ZNF496: variants seen among roughly 807,000 people sequenced by gnomAD.
The protein encoded by ZNF496 is NSD1 (nuclear receptor binding SET-domain containing 1)-interacting zinc finger protein 1.
ZNF496 carries 11 observed loss-of-function variants against 58.9 expected under a neutral mutation model. The observed-to-expected ratio is 0.19, with a 90% CI of 0.12 to 0.31. The LOEUF is 0.31. ZNF496 is among the 10% of genes least tolerant of loss of function. The pLI is 1.00. For synonymous variants in ZNF496, 338 were observed against 318.2 expected, an observed-to-expected ratio of 1.06 and a Z score of -0.66; for missense variants, 660 against 783.0, an observed-to-expected ratio of 0.84 and a Z score of 1.88.
chr1:247,329,901 G>A lies in ZNF496; in HGVS notation c.-38+65C>T. The A allele has an allele frequency of 7.1e-6, 2 of 282,448 alleles. No individual in the cohort carries two copies. The highest frequency in any genetic ancestry group is 1.3e-5 in the Non-Finnish European group (2 of 153,046). The allele number at this position is 282,448 out of a possible 1,614,324, so 17.5% of individuals were successfully genotyped here. On this transcript the variant is annotated intron_variant, in intron 3 of 9. Transcript: ENST00000682384. This position sits in a 1 kb window ranked among gnomAD's most constrained non-coding sequence, Gnocchi z 5.5. Reference sequence around the variant, plus strand: ...AGTGGTGGCATTTCAACGTGACACTGCTGTTTTGAGCATCCCAGGAAACCA... The same window carrying A: ...AGTGGTGGCATTTCAACGTGACACTACTGTTTTGAGCATCCCAGGAAACCA...
In ZNF496 at chr1:247,329,662, G is replaced by C; in HGVS notation, c.-37-47C>G. Reference sequence around the variant, plus strand: ...TGGCTTCAGTGTTCTGGTCTCCTGTGGTCATTTCTGGGGGACAGTGACAAG... The same window carrying C: ...TGGCTTCAGTGTTCTGGTCTCCTGTCGTCATTTCTGGGGGACAGTGACAAG... On this transcript the variant is annotated intron_variant, in intron 3 of 9. Transcript: ENST00000682384. This position sits in a 1 kb window ranked among gnomAD's most constrained non-coding sequence, Gnocchi z 5.5. 1 of 1,482,698 alleles carries C rather than the reference G, an allele frequency of 6.7e-7. No individual in the cohort carries two copies. Among genetic ancestry groups the C allele is most frequent in the Non-Finnish European group, 9.0e-7 (1 of 1,112,308 alleles). 91.8% of individuals were successfully genotyped at this position (1,482,698 alleles called of 1,614,324 possible). A position where few individuals can be genotyped will look rare whatever the true frequency, so the allele number is the denominator to read the frequency against.
At position 247,329,656 on chromosome 1, in the gene ZNF496, TC is replaced by T. The variant is rs1460276767; in HGVS notation, c.-37-42del. On this transcript the variant is annotated intron_variant, in intron 3 of 9. Transcript: ENST00000682384. The surrounding 1 kb of genome is among the most constrained non-coding windows in gnomAD (Gnocchi z 5.5). Reference sequence around the variant, plus strand: ...AATCACTGGCTTCAGTGTTCTGGTCTCCTGTGGTCATTTCTGGGGGACAGTG... The same window carrying T: ...AATCACTGGCTTCAGTGTTCTGGTCTCTGTGGTCATTTCTGGGGGACAGTG... 24 of 1,495,056 alleles carry T rather than the reference TC, an allele frequency of 1.6e-5. No homozygotes were observed. Among genetic ancestry groups the T allele is most frequent in the Non-Finnish European group, 1.9e-5 (21 of 1,122,084 alleles). 92.6% of individuals were successfully genotyped at this position (1,495,056 alleles called of 1,614,324 possible). A position where few individuals can be genotyped will look rare whatever the true frequency, so the allele number is the denominator to read the frequency against.
chr1:247,300,737 C>G lies in ZNF496; in HGVS notation c.1546G>C (p.Gly516Arg), dbSNP rs141609381. ...CACTGGAAGCTCAGTTTGGCCTTGC[C>G]GTTTTCCAGCGGCTCTTTGGGACCC... ...DKGPKEPLEN[G>R]KAKLSFQCCE... The change falls in exon 10 of 10, where the codon GGC (glycine) becomes CGC (arginine). Residue 516 changes from glycine to arginine, a missense_variant. Physicochemically the swap from Gly to Arg is moderately radical, Grantham distance 125. Transcript: ENST00000682384. This position sits in a 1 kb window ranked among gnomAD's most constrained non-coding sequence, Gnocchi z 5.7. 2.5e-6 allele frequency: 4 copies of G among 1,611,630 alleles called. No homozygotes were observed. The Admixed American group carries it at 6.7e-5, about 27-fold the overall frequency.
intron 7 of ZNF496, 72 bp downstream of exon 7, chr1:247,310,252 A>C: frequency 1.3e-6 from 2 of 1,595,190 alleles, no homozygotes; most frequent in Non-Finnish European, 1.7e-6. Context: ...GACGAAGTTG[A>C]CTCTTACTCC....
intron 5 of ZNF496, among the ~76,000 whole-genome samples, chr1:247,325,483 C>A (rs1184548939): frequency 6.6e-6 from 1 of 152,162 alleles, no homozygotes; most frequent in African/African-American, 2.4e-5. Flanking sequence ...AGCTAATTAA[C>A]AAATCTATAC....
At position 247,321,180 on chromosome 1, in the gene ZNF496, G is replaced by A. The variant is rs973255554; in HGVS notation, c.651+1974C>T. ...GACAGAGCAAGACTCCATCTCGGGGGAAAAAAAAACACGGAAGGGAATTCC... is the reference window on the plus strand; with the variant it reads ...GACAGAGCAAGACTCCATCTCGGGGAAAAAAAAAACACGGAAGGGAATTCC... On this transcript the variant is annotated intron_variant, in intron 6 of 9. Transcript: ENST00000682384. Among the ~76,000 whole-genome samples, 6 of 150,284 alleles carry A rather than the reference G, an allele frequency of 4.0e-5. No homozygotes were observed. The South Asian group carries it at 1.3e-3, about 32-fold the overall frequency.
intron 6 of ZNF496, chr1:247,311,471 T>G (rs1659602614): frequency 1.0e-5 from 1 of 96,814 alleles, no homozygotes; most frequent in African/African-American, 3.6e-5. Flanking sequence ...ACATATATAG[T>G]GGTGAGACGG....
Position 247,329,744 on chromosome 1 carries a change from G to C in ZNF496, c.-37-129C>G. On this transcript the variant is annotated intron_variant, in intron 3 of 9. Coordinates refer to ENST00000682384, the MANE Select transcript of ZNF496 (RefSeq NM_032752.3). The surrounding 1 kb of genome is among the most constrained non-coding windows in gnomAD (Gnocchi z 5.5). ...TTGGAGAAGCCCTGGGAAAGGTAGG[G>C]AGTGTTGGTGTGGCTGGTCTTTACA... The C allele has an allele frequency of 1.2e-6, 1 of 829,372 alleles. No individual in the cohort carries two copies. The highest frequency in any genetic ancestry group is 1.8e-6 in the Non-Finnish European group (1 of 554,320). 51.4% of individuals were successfully genotyped at this position (829,372 alleles called of 1,614,324 possible). A position where few individuals can be genotyped will look rare whatever the true frequency, so the allele number is the denominator to read the frequency against.
At chr1:247,301,383 T>C (rs982276257) in intron 9 of ZNF496, 107 bp from the exon 10 acceptor site, 206 of 1,405,098 alleles carry the variant, frequency 1.5e-4, no homozygotes, top group Non-Finnish European at 1.8e-4. Flanking sequence ...CCCGTGTTTT[T>C]ACAATGGTCC....
chr1:247,305,418 A>G (rs1659377636), intron 9 of ZNF496, among the ~76,000 whole-genome samples: 3 of 152,250 alleles, frequency 2.0e-5, no homozygotes, highest in African/African-American at 7.2e-5. Context: ...AAATTGCCCA[A>G]GGTTTCAGGG....
chr1:247,331,044 G>A lies in ZNF496; in HGVS notation c.-154+388C>T, dbSNP rs541646141. 2.0e-5 allele frequency among the ~76,000 whole-genome samples: 3 copies of A among 152,240 alleles called. No homozygotes were observed. The East Asian group carries it at 5.8e-4, about 29-fold the overall frequency. On this transcript the variant is annotated intron_variant, in intron 2 of 9. Coordinates refer to ENST00000682384, the MANE Select transcript of ZNF496 (RefSeq NM_032752.3). ...CTGGAGCCCGGGGTGGGCCCCGCCC[G>A]CCCTGCTCGGCGGCCCCCTGCGGCG...
At chr1:247,326,474 G>A (rs1280568293) in intron 5 of ZNF496, among the ~76,000 whole-genome samples, 2 of 152,118 alleles carry the variant, frequency 1.3e-5, no homozygotes, top group Non-Finnish European at 2.9e-5. Flanking sequence ...ACTTTATCAA[G>A]AAGCAACTGC....
At chr1:247,331,035 G>GCCCCGC (rs1660307309) in intron 2 of ZNF496, among the ~76,000 whole-genome samples, 1 of 152,162 alleles carries the variant, frequency 6.6e-6, no homozygotes, top group South Asian at 2.1e-4. Context: ...CCCGGGGTGG[G>GCCCCGC]CCCCGCCCGC....
chr1:247,313,943 G>A (rs937372174), intron 6 of ZNF496: 1 of 152,218 alleles, frequency 6.6e-6, no homozygotes. Context: ...CCGAAGGTTA[G>A]CTGCTTCTCA....
intron 6 of ZNF496, chr1:247,312,554 G>A (rs1417272524): frequency 6.6e-6 from 1 of 152,080 alleles, no homozygotes; most frequent in Non-Finnish European, 1.5e-5. Flanking sequence ...CTGAGGTCAG[G>A]AGTTCCAGAC....
Position 247,308,932 on chromosome 1 carries a change from A to G in ZNF496, c.893-344T>C, listed in dbSNP as rs1480705746. 1 of 316,786 alleles carries G rather than the reference A, an allele frequency of 3.2e-6. No homozygotes were observed. The highest frequency in any genetic ancestry group is 8.4e-5 in the East Asian group (1 of 11,948). The allele number at this position is 316,786 out of a possible 1,614,324, so 19.6% of individuals were successfully genotyped here. On this transcript the variant is annotated intron_variant, in intron 8 of 9. Coordinates refer to ENST00000682384, the MANE Select transcript of ZNF496 (RefSeq NM_032752.3). The surrounding 1 kb of genome is among the most constrained non-coding windows in gnomAD (Gnocchi z 4.5). The stretch of plus-strand genomic sequence containing the variant: ...TATAGTCATCACCACAGGCTCCTGC[A>G]CACTCCGCACATCCTGCACAAACAG...
intron 5 of ZNF496, among the ~76,000 whole-genome samples, chr1:247,325,750 C>T (rs1227537105): frequency 6.6e-6 from 1 of 152,092 alleles, no homozygotes; most frequent in Admixed American, 6.6e-5. Context: ...CTGCTTCAGC[C>T]CCCTGAGTAG....
rs919421432 is a variant in ZNF496, at chr1:247,297,975, T to A, written c.*2544A>T. 24 of 152,084 alleles carry A rather than the reference T, an allele frequency of 1.6e-4. No homozygotes were observed. The highest frequency in any genetic ancestry group is 5.8e-4 in the African/African-American group (24 of 41,410). 9.4% of individuals were successfully genotyped at this position (152,084 alleles called of 1,614,324 possible). ...AGTAGAACAGTGTTCTTCTCTTGAG[T>A]CAGACGTCTGAAGCAGGAAGGTGAA... On this transcript the variant is annotated 3_prime_UTR_variant, in exon 10 of 10. Coordinates refer to ENST00000682384, the MANE Select transcript of ZNF496 (RefSeq NM_032752.3).
rs1269737151 is a variant in ZNF496 at position 247,300,878 on chromosome 1, C to T, written c.1405G>A (p.Gly469Arg). Residue 469 changes from glycine to arginine, a missense_variant, in exon 10 of 10, where the codon GGG becomes AGG. Physicochemically the swap from Gly to Arg is moderately radical, Grantham distance 125 (BLOSUM62 -2). Coordinates refer to ENST00000682384, the MANE Select transcript of ZNF496 (RefSeq NM_032752.3). This position sits in a 1 kb window ranked among gnomAD's most constrained non-coding sequence, Gnocchi z 5.7. ...TGGGAGTTCAGGCGGAAGCTCTTCC[C>T]GCAGGCACCACACCGGTAAGGCTTC... ...AQKPYRCGAC[G>R]KSFRLNSHLL... The T allele has an allele frequency of 1.2e-6, 2 of 1,611,530 alleles. No homozygotes were observed. Among genetic ancestry groups the T allele is most frequent in the East Asian group, 2.2e-5 (1 of 44,864 alleles).
Sources: allele counts gnomAD v4.1 joint callset (sites outside exome capture counted in the v4.1 genomes callset), GRCh38; gene constraint gnomAD v4.1.1; non-coding constraint Gnocchi (gnomAD v3.1); transcripts MANE v1.5; gene names NCBI Gene and HGNC (gene_info 2026-07-23, HGNC 2026-07-21).